CRPPA: variants seen among roughly 807,000 people sequenced by gnomAD.
CRPPA encodes D-ribitol-5-phosphate cytidylyltransferase.
A neutral mutation model predicts 52.0 loss-of-function variants in CRPPA; 43 were observed. The observed-to-expected ratio is 0.83, with a 90% CI of 0.65 to 1.07. The LOEUF is 1.07. Ranked by LOEUF, CRPPA falls within the 50% of genes least tolerant of loss-of-function variation. The pLI is 0.00. For missense variants in CRPPA, 629 were observed against 551.7 expected (o/e 1.14, Z -1.40); for synonymous variants, 250 against 203.5 (o/e 1.23, Z -1.94).
chr7:16,224,738 TACTA>T (rs1195093798), intron 8 of CRPPA, among the ~76,000 whole-genome samples: 2 of 152,150 alleles, frequency 1.3e-5, no homozygotes, highest in African/African-American at 4.8e-5. Context: ...CACCAGCCGA[TACTA>T]AACAGGTCAA....
chr7:16,265,220 G>T (rs527259182), intron 6 of CRPPA, among the ~76,000 whole-genome samples: 1 of 152,136 alleles, frequency 6.6e-6, no homozygotes. Flanking sequence ...TTCATGACCT[G>T]CCACCATAGG....
chr7:16,384,915 A>T (rs963727449), intron 2 of CRPPA, among the ~76,000 whole-genome samples: 7 of 152,218 alleles, frequency 4.6e-5, no homozygotes, highest in Non-Finnish European at 7.4e-5. Flanking sequence ...TTATAAATAC[A>T]TTCAAAGAAC....
chr7:16,325,974 C>T (rs568283636), intron 3 of CRPPA, among the ~76,000 whole-genome samples: 18 of 149,692 alleles, frequency 1.2e-4, no homozygotes, highest in Non-Finnish European at 2.1e-4. Context: ...AACCATCATG[C>T]ATAACAATCA....
intron 3 of CRPPA, among the ~76,000 whole-genome samples, chr7:16,341,647 T>C (rs1172645993): frequency 2.6e-5 from 4 of 151,966 alleles, no homozygotes; most frequent in Non-Finnish European, 5.9e-5. Flanking sequence ...TTAAACAAAT[T>C]TCAAGTTTAT....
intron 3 of CRPPA, among the ~76,000 whole-genome samples, chr7:16,325,426 CAT>C (rs1358389811): frequency 1.3e-5 from 2 of 152,160 alleles, no homozygotes; most frequent in African/African-American, 4.8e-5. Context: ...TTTCCAATAA[CAT>C]GTCTTTCTTC....
At chr7:16,304,753 T>C (rs1011550654) in intron 4 of CRPPA, among the ~76,000 whole-genome samples, 1 of 152,198 alleles carries the variant, frequency 6.6e-6, no homozygotes, top group Admixed American at 6.5e-5. Flanking sequence ...TCCTCAGAAA[T>C]TTCAAGTCAG....
At position 16,271,581 on chromosome 7, in the gene CRPPA, A is replaced by T. The variant is rs17169392; in HGVS notation, c.933+6548T>A. Among the ~76,000 whole-genome samples the T allele has an allele frequency of 8.5e-5, 13 of 152,190 alleles. No homozygotes were observed. The East Asian group carries it at 2.5e-3, about 29-fold the overall frequency. On this transcript the variant is annotated intron_variant, in intron 6 of 9. Transcript: ENST00000407010. ...ACAGATGCTTTCTTTCTGTGCCCCA[A>T]TGAAGCTCTTTATGTGCCTTTCACA...
chr7:16,254,877 G>A (rs953882459), intron 8 of CRPPA, among the ~76,000 whole-genome samples: 1 of 150,732 alleles, frequency 6.6e-6, no homozygotes, highest in Non-Finnish European at 1.5e-5. Context: ...AAAGAGGCAG[G>A]CACAAGATAA....
intron 9 of CRPPA, among the ~76,000 whole-genome samples, chr7:16,191,809 C>T (rs1486520806): frequency 6.6e-6 from 1 of 152,092 alleles, no homozygotes; most frequent in African/African-American, 2.4e-5. Flanking sequence ...TCCTCCCTTA[C>T]CTTATTCCAC....
At chr7:16,217,077 C>T (rs1782346116) in intron 8 of CRPPA, among the ~76,000 whole-genome samples, 1 of 150,500 alleles carries the variant, frequency 6.6e-6, no homozygotes, top group Admixed American at 6.7e-5. Flanking sequence ...GTTCTCCCAG[C>T]ACGCAGCTGG....
At chr7:16,207,667 G>C (rs1292738980) in intron 9 of CRPPA, among the ~76,000 whole-genome samples, 1 of 152,156 alleles carries the variant, frequency 6.6e-6, no homozygotes, top group African/African-American at 2.4e-5. Context: ...ACTCAGTTTT[G>C]CAAAGCCTAA....
intron 6 of CRPPA, among the ~76,000 whole-genome samples, chr7:16,275,131 A>G (rs1784174610): frequency 6.6e-6 from 1 of 152,148 alleles, no homozygotes; most frequent in Admixed American, 6.5e-5. Context: ...AAAGACACAC[A>G]CAGTTTAAGA....
At chr7:16,092,904 G>A (rs1204829685) in intron 9 of CRPPA, among the ~76,000 whole-genome samples, 2 of 152,118 alleles carry the variant, frequency 1.3e-5, no homozygotes, top group Non-Finnish European at 2.9e-5. Context: ...GTTTTTCTGA[G>A]CTTGAATATC....
chr7:16,113,340 AAG>A (rs1782305156), intron 9 of CRPPA, among the ~76,000 whole-genome samples: 1 of 152,120 alleles, frequency 6.6e-6, no homozygotes, highest in East Asian at 1.9e-4. Context: ...TAGATACAAT[AAG>A]AATGTCAAAT....
chr7:16,223,532 T>C (rs1782574572), intron 8 of CRPPA, among the ~76,000 whole-genome samples: 1 of 152,176 alleles, frequency 6.6e-6, no homozygotes, highest in Non-Finnish European at 1.5e-5. Flanking sequence ...GATGATGACA[T>C]GAAAACAGAA....
chr7:16,287,949 G>A (rs1329688255), intron 5 of CRPPA, among the ~76,000 whole-genome samples: 2 of 147,486 alleles, frequency 1.4e-5, no homozygotes, highest in African/African-American at 2.5e-5. Flanking sequence ...GAGGGAGGGA[G>A]GGAAGGAAAG....
At chr7:16,412,700 G>T (rs183853966) in intron 1 of CRPPA, among the ~76,000 whole-genome samples, 1 of 152,110 alleles carries the variant, frequency 6.6e-6, no homozygotes, top group African/African-American at 2.4e-5. Context: ...TCAAATATTT[G>T]CTGAATAAAG....
intron 2 of CRPPA, among the ~76,000 whole-genome samples, chr7:16,399,317 C>A (rs556153253): frequency 1.3e-5 from 2 of 151,580 alleles, no homozygotes; most frequent in Non-Finnish European, 2.9e-5. Context: ...TGACACGTGA[C>A]CAACACGTGA....
At chr7:16,333,857 T>C (rs1415470812) in intron 3 of CRPPA, among the ~76,000 whole-genome samples, 4 of 152,142 alleles carry the variant, frequency 2.6e-5, no homozygotes, top group Admixed American at 6.5e-5. Flanking sequence ...AAAGTCACAA[T>C]TGAACTGCTG....
Sources: allele counts gnomAD v4.1 joint callset (sites outside exome capture counted in the v4.1 genomes callset), GRCh38; gene constraint gnomAD v4.1.1; transcripts MANE v1.5; gene names NCBI Gene and HGNC (gene_info 2026-07-23, HGNC 2026-07-21).